ENDOD1: variants seen among roughly 807,000 people sequenced by gnomAD.
ENDOD1 encodes endonuclease domain-containing 1 protein.
Under a neutral mutation model 6.5 loss-of-function variants are expected in ENDOD1, and 9 were observed. That is an observed-to-expected ratio of 1.39 (90% CI 0.84 to 2.43). The LOEUF (loss-of-function observed/expected upper bound fraction) is 2.43. Ranked by LOEUF, ENDOD1 falls within the 30% of genes most tolerant of loss-of-function variation. The probability of loss-of-function intolerance (pLI) is 0.00; values close to 1 mark genes in which losing one functional copy is unlikely to be tolerated. For missense variants in ENDOD1, 648 were observed against 635.5 expected (o/e 1.02, Z -0.21); for synonymous variants, 255 against 255.2 (o/e 1.00, Z 0.01).
In ENDOD1 at chr11:95,129,496, C is replaced by G; in HGVS notation, c.1420C>G (p.Leu474Val). 1 of 1,614,168 alleles carries G rather than the reference C, an allele frequency of 6.2e-7. No homozygotes were observed. Among genetic ancestry groups the G allele is most frequent in the Non-Finnish European group, 8.5e-7 (1 of 1,180,030 alleles). ...GCTCTTTGACACTGCTTTTGGTACC[C>G]TGGGTGGCCTATTTCAGGTGGTTTT... Reference protein sequence around the residue: ...SLLFDTAFGTLGGLFQVVFSV... With the variant: ...SLLFDTAFGTVGGLFQVVFSV... Residue 474 changes from leucine to valine, a missense_variant, in exon 2 of 2, where the codon CTG becomes GTG. By Grantham distance (32) the Leu-to-Val change is conservative. Coordinates refer to ENST00000278505, the MANE Select transcript of ENDOD1 (RefSeq NM_015036.3).
At chr11:95,090,357 A>G (rs1555109749) in intron 1 of ENDOD1, 130 bp downstream of exon 1, 1 of 1,239,800 alleles carries the variant, frequency 8.1e-7, no homozygotes, top group African/African-American at 1.6e-5. Context: ...CCTTGGGCCA[A>G]GAAACCCGGG....
rs1859368697 is a variant in ENDOD1, at chr11:95,131,316, A to G, written c.*1737A>G. The G allele has an allele frequency of 6.6e-6, 1 of 152,238 alleles. No individual in the cohort carries two copies. The highest frequency in any genetic ancestry group is 6.5e-5 in the Admixed American group (1 of 15,288). 9.4% of individuals were successfully genotyped at this position (152,238 alleles called of 1,614,324 possible). On this transcript the variant is annotated 3_prime_UTR_variant, in exon 2 of 2. Transcript: ENST00000278505. ...CTTTATTTCAGCAGTGTGAAGGTAA[A>G]TGGAAGGGTGAGGGTTTGACTTGGT...
chr11:95,092,366 GA>G (rs1555109951), intron 1 of ENDOD1, among the ~76,000 whole-genome samples: 10 of 152,172 alleles, frequency 6.6e-5, no homozygotes, highest in East Asian at 1.9e-4. Context: ...TGCAGCTAGG[GA>G]AGGAGTGAGT....
intron 1 of ENDOD1, among the ~76,000 whole-genome samples, chr11:95,112,696 C>T (rs193026041): frequency 4.7e-4 from 72 of 152,354 alleles, no homozygotes; most frequent in Admixed American, 1.0e-3. Flanking sequence ...TCAAGTTCCA[C>T]TTCAGGATTG....
At chr11:95,116,570 A>C (rs1395841413) in intron 1 of ENDOD1, among the ~76,000 whole-genome samples, 1 of 152,160 alleles carries the variant, frequency 6.6e-6, no homozygotes, top group Non-Finnish European at 1.5e-5. Flanking sequence ...TTTAAGATGC[A>C]ACATTAGGCT....
At chr11:95,117,622 T>G (rs1555112600) in intron 1 of ENDOD1, among the ~76,000 whole-genome samples, 2 of 152,222 alleles carry the variant, frequency 1.3e-5, no homozygotes, top group Non-Finnish European at 2.9e-5. Context: ...AATATCTTTT[T>G]CTATCCTTTA....
chr11:95,090,096 C>CAGCGCGCGGAGGGTGCTG lies in ENDOD1; in HGVS notation c.175_192dup (p.Ala59_Arg64dup), dbSNP rs1565441948. The CAGCGCGCGGAGGGTGCTG allele has an allele frequency of 7.5e-6, 12 of 1,596,538 alleles. No individual in the cohort carries two copies. The highest frequency in any genetic ancestry group is 1.0e-5 in the Non-Finnish European group (12 of 1,173,152). ...GGCCGATTCCCACGTGAAGATCTGT[C>CAGCGCGCGGAGGGTGCTG]AGCGCGCGGAGGGTGCTGAGCGCTT... On this transcript the variant is annotated inframe_insertion, in exon 1 of 2. Coordinates refer to ENST00000278505, the MANE Select transcript of ENDOD1 (RefSeq NM_015036.3).
intron 1 of ENDOD1, among the ~76,000 whole-genome samples, chr11:95,100,037 T>C (rs1859023024): frequency 1.3e-5 from 2 of 152,214 alleles, no homozygotes; most frequent in African/African-American, 2.4e-5. Flanking sequence ...AAAACTTTTA[T>C]TCTCATTCTT....
intron 1 of ENDOD1, among the ~76,000 whole-genome samples, chr11:95,122,959 C>T (rs533973770): frequency 8.9e-4 from 136 of 152,154 alleles, no homozygotes; most frequent in African/African-American, 3.1e-3. Context: ...GAGGCCGAGG[C>T]GGGCAGATCA....
At chr11:95,117,304 G>A (rs1331619918) in intron 1 of ENDOD1, among the ~76,000 whole-genome samples, 1 of 152,224 alleles carries the variant, frequency 6.6e-6, no homozygotes, top group Non-Finnish European at 1.5e-5. Flanking sequence ...AGCTACCTGG[G>A]AGGGTGAGGC....
chr11:95,095,084 G>T (rs1858971024), intron 1 of ENDOD1, among the ~76,000 whole-genome samples: 2 of 152,086 alleles, frequency 1.3e-5, no homozygotes, highest in South Asian at 4.1e-4. Flanking sequence ...TGGAATGTTG[G>T]ATTAGATAGG....
At chr11:95,097,561 G>A (rs1248322700) in intron 1 of ENDOD1, among the ~76,000 whole-genome samples, 1 of 152,178 alleles carries the variant, frequency 6.6e-6, no homozygotes, top group Non-Finnish European at 1.5e-5. Context: ...GAAGTGGGAA[G>A]CAATTGTGCA....
chr11:95,090,262 G>A (rs1367620144), intron 1 of ENDOD1, 35 bp downstream of exon 1: 14 of 1,355,076 alleles, frequency 1.0e-5, no homozygotes, highest in Non-Finnish European at 1.1e-5. Flanking sequence ...GGCTGCGGGC[G>A]CCGGAGACCG....
In ENDOD1 at chr11:95,116,569, C is replaced by T. The variant is rs183173397; in HGVS notation, c.301-11808C>T. ...CTTGCTTGTCTAGTACTTTAAGATG[C>T]AACATTAGGCTGTTTATTCGACATT... On this transcript the variant is annotated intron_variant, in intron 1 of 1. Coordinates refer to ENST00000278505, the MANE Select transcript of ENDOD1 (RefSeq NM_015036.3). Among the ~76,000 whole-genome samples the T allele has an allele frequency of 3.8e-4, 58 of 152,240 alleles. No homozygotes were observed. In the Middle Eastern group the frequency reaches 0.01, roughly 27 times the overall value.
At chr11:95,110,579 A>ATGTGTGGTGTG (rs1555111812) in intron 1 of ENDOD1, among the ~76,000 whole-genome samples, 35 of 135,256 alleles carry the variant, frequency 2.6e-4, no homozygotes, top group African/African-American at 8.7e-4. Flanking sequence ...AAGTCCGTGT[A>ATGTGTGGTGTG]TGTATGTGTG....
intron 1 of ENDOD1, among the ~76,000 whole-genome samples, chr11:95,121,331 T>C (rs548489946): frequency 1.3e-5 from 2 of 152,366 alleles, no homozygotes; most frequent in Admixed American, 6.5e-5. Context: ...GTGGTAGTAA[T>C]AATACATAGT....
intron 1 of ENDOD1, among the ~76,000 whole-genome samples, chr11:95,093,340 A>T (rs1858949682): frequency 6.6e-6 from 1 of 152,112 alleles, no homozygotes; most frequent in African/African-American, 2.4e-5. Context: ...GCTCATGCTG[A>T]TTCCCTTTGC....
At chr11:95,120,147 C>T (rs1399776506) in intron 1 of ENDOD1, among the ~76,000 whole-genome samples, 1 of 152,298 alleles carries the variant, frequency 6.6e-6, no homozygotes, top group East Asian at 1.9e-4. Flanking sequence ...CAAGAGCCCA[C>T]TTGATGCTCT....
intron 1 of ENDOD1, among the ~76,000 whole-genome samples, chr11:95,098,469 A>T (rs1167761716): frequency 6.6e-6 from 1 of 152,196 alleles, no homozygotes; most frequent in Non-Finnish European, 1.5e-5. Flanking sequence ...CCAGCACATT[A>T]ATTATGTGAT....
Sources: gnomAD v4.1 joint callset for allele counts (sites outside exome capture counted in the v4.1 genomes callset) on GRCh38, gnomAD v4.1.1 for gene constraint, MANE v1.5 for transcripts, NCBI Gene and HGNC (gene_info 2026-07-23, HGNC 2026-07-21) for gene names.